CCN5: variants seen among roughly 807,000 people sequenced by gnomAD.
CCN5 encodes the protein CCN family member 5.
CCN5 carries 17 observed loss-of-function variants against 18.7 expected under a neutral mutation model. The ratio of observed to expected loss-of-function variants is 0.91; its 90% confidence interval spans 0.62 to 1.36. The LOEUF (loss-of-function observed/expected upper bound fraction) is 1.36. Among genes scored for constraint, CCN5 ranks in the 40% most tolerant of loss-of-function variants. CCN5 has a pLI of 0.00. For missense variants in CCN5, 367 were observed against 342.9 expected, an observed-to-expected ratio of 1.07 and a Z score of -0.56; for synonymous variants, 135 against 145.2, an observed-to-expected ratio of 0.93 and a Z score of 0.50.
intron 1 of CCN5, 72 bp downstream of exon 1, chr20:44,715,522 A>G: frequency 6.7e-7 from 1 of 1,496,470 alleles, no homozygotes; most frequent in Non-Finnish European, 9.1e-7. Flanking sequence ...GTAAAATCGC[A>G]GCCAAGGACC....
At chr20:44,715,194 G>C, upstream of CCN5, 1 of 599,756 alleles carries the variant, frequency 1.7e-6, no homozygotes, top group Non-Finnish European at 3.0e-6. Context: ...CCATGAGGAT[G>C]GGAAGCGAAG....
chr20:44,725,267 G>A (rs11905277), intron 3 of CCN5, among the ~76,000 whole-genome samples: 57,296 of 151,878 alleles, frequency 0.38, 11,100 homozygotes, highest in Non-Finnish European at 0.42. Context: ...GGAAAACCCC[G>A]TCTCTACTAA....
intron 2 of CCN5, chr20:44,720,487 T>C (rs903453499): frequency 6.2e-6 from 2 of 324,012 alleles, no homozygotes; most frequent in South Asian, 6.7e-5. Flanking sequence ...AAGTGCAACC[T>C]TTTAGGGCAT....
At position 44,719,899 on chromosome 20, in the gene CCN5, G is replaced by A; in HGVS notation, c.63G>A (p.Val21=). 6.2e-7 allele frequency: 1 copy of A among 1,612,578 alleles called. No homozygotes were observed. Among genetic ancestry groups the A allele is most frequent in the Non-Finnish European group, 8.5e-7 (1 of 1,179,664 alleles). Residue 21 remains valine, a splice_region_variant and synonymous_variant, in exon 2 of 4, where the codon GTG becomes GTA. Coordinates refer to ENST00000190983, the MANE Select transcript of CCN5 (RefSeq NM_003881.4). The part of the protein sequence containing the change: ...AFSLLCLLSK[V]RTQLCPTPCT... ...GAGTGAGGTCTCTGTCTCTTCAGGTGCGTACCCAGCTGTGCCCGACACCAT... is the reference window on the plus strand; with the variant it reads ...GAGTGAGGTCTCTGTCTCTTCAGGTACGTACCCAGCTGTGCCCGACACCAT...
At chr20:44,715,282 TGTGTACTCGTGC>T (rs1568876726), upstream of CCN5, 11 of 751,852 alleles carry the variant, frequency 1.5e-5, no homozygotes, top group Admixed American at 1.1e-4. Flanking sequence ...CGCGCGCGCG[TGTGTACTCGTGC>T]GTGTGCCTGT....
Position 44,724,884 on chromosome 20 carries a change from A to T in CCN5, c.424A>T (p.Ser142Cys), listed in dbSNP as rs751696665. 12 of 1,594,324 alleles carry T rather than the reference A, an allele frequency of 7.5e-6. No individual in the cohort carries two copies. The South Asian group carries it at 1.1e-4, about 15-fold the overall frequency. Residue 142 changes from serine to cysteine, a missense_variant, in exon 3 of 4, where the codon AGC (serine) becomes TGC (cysteine). By Grantham distance (112) the Ser-to-Cys change is moderately radical (BLOSUM62 -1). Coordinates refer to ENST00000190983, the MANE Select transcript of CCN5 (RefSeq NM_003881.4). Reference protein sequence around the residue: ...PLCSEDVRLPSWDCPHPRRVE... With the variant: ...PLCSEDVRLPCWDCPHPRRVE... ...GTGCAGCGAGGATGTGCGGCTGCCC[A>T]GCTGGGACTGCCCCCACCCCAGGAG...
At chr20:44,726,710 C>A (rs1332182951) in intron 3 of CCN5, among the ~76,000 whole-genome samples, 1 of 152,178 alleles carries the variant, frequency 6.6e-6, no homozygotes, top group Non-Finnish European at 1.5e-5. Flanking sequence ...GCACAAGAAT[C>A]CTGGAATCTT....
At chr20:44,725,088 G>GT in intron 3 of CCN5, 96 bp downstream of exon 3, 1 of 1,400,442 alleles carries the variant, frequency 7.1e-7, no homozygotes, top group Non-Finnish European at 9.3e-7. Flanking sequence ...TGGGTACCAG[G>GT]ACCCAGGGAC....
chr20:44,720,337 C>T, intron 2 of CCN5: 1 of 557,230 alleles, frequency 1.8e-6, no homozygotes, highest in Non-Finnish European at 3.1e-6. Context: ...TAACCTTTCC[C>T]CATCCCTACC....
intron 2 of CCN5, among the ~76,000 whole-genome samples, chr20:44,722,223 G>A (rs763630200): frequency 2.0e-5 from 3 of 152,124 alleles, no homozygotes; most frequent in Non-Finnish European, 4.4e-5. Context: ...GGGCTTTGCA[G>A]GGAACATACT....
Position 44,724,772 on chromosome 20 carries a change from C to T in CCN5, c.312C>T (p.Gly104=). ...AEDDSSCEVN[G]RLYREGETFQ... is the part of the protein sequence containing the mutation. The stretch of plus-strand genomic sequence containing the variant: ...ACGACAGCAGCTGTGAGGTGAACGG[C>T]CGCCTGTATCGGGAAGGGGAGACCT... Residue 104 remains glycine (G), a synonymous_variant, in exon 3 of 4, where the codon GGC becomes GGT. Coordinates refer to ENST00000190983, the MANE Select transcript of CCN5 (RefSeq NM_003881.4). 6.2e-7 allele frequency: 1 copy of T among 1,612,798 alleles called. No individual in the cohort carries two copies. The highest frequency in any genetic ancestry group is 8.5e-7 in the Non-Finnish European group (1 of 1,179,866).
rs769209149 is a variant in CCN5, at chr20:44,715,400, A to C, written c.10A>C (p.Thr4Pro). 32 of 1,602,934 alleles carry C rather than the reference A, an allele frequency of 2.0e-5. No homozygotes were observed. The East Asian group carries it at 7.2e-4, about 36-fold the overall frequency. ...TGGCTCTGCAGGGGACATGAGAGGC[A>C]CACCGAAGACCCACCTCCTGGCCTT... MRG[T>P]PKTHLLAFSL... Residue 4 changes from threonine to proline, a missense_variant, in exon 1 of 4, where the codon ACA becomes CCA. Physicochemically the swap from Thr to Pro is conservative, Grantham distance 38. Coordinates refer to ENST00000190983, the MANE Select transcript of CCN5 (RefSeq NM_003881.4).
At position 44,724,866 on chromosome 20, in the gene CCN5, G is replaced by C. The variant is rs144796244; in HGVS notation, c.406G>C (p.Glu136Gln). 3.1e-6 allele frequency: 5 copies of C among 1,595,654 alleles called. No individual in the cohort carries two copies. Among genetic ancestry groups the C allele is most frequent in the South Asian group, 1.1e-5 (1 of 88,348 alleles). The change falls in exon 3 of 4, where the codon GAG (glutamate) becomes CAG (glutamine). Residue 136 changes from glutamate to glutamine, a missense_variant. Transcript: ENST00000190983. ...CTTCACCTGCGTGCCGCTGTGCAGCGAGGATGTGCGGCTGCCCAGCTGGGA... is the reference window on the plus strand; with the variant it reads ...CTTCACCTGCGTGCCGCTGTGCAGCCAGGATGTGCGGCTGCCCAGCTGGGA... The part of the protein sequence containing the change: ...GGFTCVPLCS[E>Q]DVRLPSWDCP...
chr20:44,724,466 G>T, intron 2 of CCN5: 1 of 507,974 alleles, frequency 2.0e-6, no homozygotes, highest in South Asian at 2.9e-5. Flanking sequence ...GCAAGAAGAA[G>T]TGAAATCACT....
rs1311259136 is a variant in CCN5, at chr20:44,727,395, G to A, written c.*88G>A. ...CCTGGGCTGATGGAAGATGGTCCGT[G>A]CCCAGGCCCTTGGCTGCAGGCAACA... On this transcript the variant is annotated 3_prime_UTR_variant, in exon 4 of 4. Coordinates refer to ENST00000190983, the MANE Select transcript of CCN5 (RefSeq NM_003881.4). 2 of 1,467,690 alleles carry A rather than the reference G, an allele frequency of 1.4e-6. No homozygotes were observed. Among genetic ancestry groups the A allele is most frequent in the Non-Finnish European group, 1.8e-6 (2 of 1,105,882 alleles). 90.9% of individuals were successfully genotyped at this position (1,467,690 alleles called of 1,614,324 possible).
rs899707510 is a variant in CCN5, at chr20:44,720,058, G to C, written c.222G>C (p.Gln74His). The change falls in exon 2 of 4, where the codon CAG becomes CAC. Residue 74 changes from glutamine to histidine, a missense_variant. Physicochemically the swap from Gln to His is conservative, Grantham distance 24. Coordinates refer to ENST00000190983, the MANE Select transcript of CCN5 (RefSeq NM_003881.4). ...CDQLHVCDAS[Q>H]GLVCQPGAGP... is the part of the protein sequence containing the mutation. The stretch of plus-strand genomic sequence containing the variant: ...AACTCCACGTCTGCGACGCCAGCCA[G>C]GGCCTGGTCTGCCAGCCCGGGGCAG... 1.9e-6 allele frequency: 3 copies of C among 1,589,398 alleles called. No homozygotes were observed. The highest frequency in any genetic ancestry group is 2.6e-6 in the Non-Finnish European group (3 of 1,173,168).
At chr20:44,716,223 G>C (rs969284642) in intron 1 of CCN5, among the ~76,000 whole-genome samples, 3 of 152,168 alleles carry the variant, frequency 2.0e-5, no homozygotes, top group Non-Finnish European at 4.4e-5. Flanking sequence ...ATGGATGTAG[G>C]GGGAGAAGCA....
At chr20:44,723,480 G>A (rs987230118) in intron 2 of CCN5, among the ~76,000 whole-genome samples, 1 of 152,108 alleles carries the variant, frequency 6.6e-6, no homozygotes, top group African/African-American at 2.4e-5. Context: ...GGGAGCCAGA[G>A]TTGGAACCTA....
At chr20:44,723,985 G>T (rs1389070599) in intron 2 of CCN5, 1 of 152,370 alleles carries the variant, frequency 6.6e-6, no homozygotes, top group Non-Finnish European at 1.5e-5. Context: ...AGCCCTCAAG[G>T]AGTTCATGTC....
Sources: gnomAD v4.1 joint callset for allele counts (sites outside exome capture counted in the v4.1 genomes callset) on GRCh38, gnomAD v4.1.1 for gene constraint, MANE v1.5 for transcripts, NCBI Gene and HGNC (gene_info 2026-07-23, HGNC 2026-07-21) for gene names.